Variants in FBXO31 observed in about 807,000 individuals in gnomAD.
FBXO31 encodes F-box only protein 31.
A neutral mutation model predicts 54.4 loss-of-function variants in FBXO31; 24 were observed. The observed-to-expected ratio is 0.44, with a 90% CI of 0.32 to 0.62. The LOEUF (loss-of-function observed/expected upper bound fraction) is 0.62, where lower values mean the gene tolerates loss of function less well. Among genes scored for constraint, FBXO31 ranks in the 20% least tolerant of loss-of-function variants. The pLI is 0.05. For synonymous variants in FBXO31, 388 were observed against 335.6 expected (o/e 1.16, Z -1.71); for missense variants, 665 against 787.1 (o/e 0.84, Z 1.86).
chr16:87,359,058 C>G (rs1906020934), intron 2 of FBXO31, among the ~76,000 whole-genome samples: 1 of 152,188 alleles, frequency 6.6e-6, no homozygotes, highest in Non-Finnish European at 1.5e-5. Context: ...CCTGGATAAG[C>G]CTTAAAGCAA....
rs554323770 is a variant in FBXO31 at position 87,327,767 on chromosome 16, G to C, written c.*3521C>G. Reference sequence around the variant, plus strand: ...TGATGTTCCTGGTCTCTCCCCAGAAGTACAGACAGGTTGGGCCACGTTAAC... The same window carrying C: ...TGATGTTCCTGGTCTCTCCCCAGAACTACAGACAGGTTGGGCCACGTTAAC... On this transcript the variant is annotated 3_prime_UTR_variant, in exon 9 of 9. Coordinates refer to ENST00000311635, the MANE Select transcript of FBXO31 (RefSeq NM_024735.5). 1 of 152,400 alleles carries C rather than the reference G, an allele frequency of 6.6e-6. No individual in the cohort carries two copies. The highest frequency in any genetic ancestry group is 2.1e-4 in the South Asian group (1 of 4,832). 9.4% of individuals were successfully genotyped at this position (152,400 alleles called of 1,614,324 possible).
chr16:87,347,707 A>C (rs1362255756), intron 2 of FBXO31, among the ~76,000 whole-genome samples: 1 of 150,788 alleles, frequency 6.6e-6, no homozygotes, highest in African/African-American at 2.5e-5. Flanking sequence ...AAAAACTATC[A>C]GAATGAAACT....
intron 1 of FBXO31, among the ~76,000 whole-genome samples, chr16:87,363,139 C>CT (rs530709960): frequency 1.3e-5 from 2 of 152,012 alleles, no homozygotes; most frequent in Non-Finnish European, 2.9e-5. Context: ...AATCCCACCA[C>CT]TTTGGGAGGT....
At chr16:87,382,558 T>C (rs1286743613) in intron 1 of FBXO31, among the ~76,000 whole-genome samples, 1 of 152,194 alleles carries the variant, frequency 6.6e-6, no homozygotes, top group Non-Finnish European at 1.5e-5. Context: ...CCCGCACCGC[T>C]GTGATCCATC....
chr16:87,347,133 C>A (rs1281595080), intron 3 of FBXO31, 41 bp downstream of exon 3: 7 of 1,574,674 alleles, frequency 4.4e-6, no homozygotes, highest in Non-Finnish European at 6.1e-6. Context: ...GGCACCACTC[C>A]TGCCCGTGCA....
chr16:87,366,526 G>C (rs1427616923), intron 1 of FBXO31, among the ~76,000 whole-genome samples: 1 of 152,206 alleles, frequency 6.6e-6, no homozygotes, highest in Non-Finnish European at 1.5e-5. Context: ...GAGCACTCCA[G>C]GTGTGGCAGA....
intron 1 of FBXO31, among the ~76,000 whole-genome samples, chr16:87,376,612 A>T (rs1906834059): frequency 6.6e-6 from 1 of 152,214 alleles, no homozygotes; most frequent in South Asian, 2.1e-4. Context: ...ACATCTGTGA[A>T]AAGAAGAAAA....
upstream of FBXO31, among the ~76,000 whole-genome samples, chr16:87,387,368 G>C (rs757449449): frequency 2.0e-5 from 3 of 152,198 alleles, no homozygotes; most frequent in Non-Finnish European, 4.4e-5. Context: ...GAGATCATTT[G>C]TTTTAACACT....
chr16:87,342,905 T>C lies in FBXO31; in HGVS notation c.704A>G (p.His235Arg). The C allele has an allele frequency of 6.2e-7, 1 of 1,607,102 alleles. No individual in the cohort carries two copies. The highest frequency in any genetic ancestry group is 8.5e-7 in the Non-Finnish European group (1 of 1,177,130). Residue 235 changes from histidine to arginine, a missense_variant, in exon 5 of 9, where the codon CAC (histidine) becomes CGC (arginine). Physicochemically the swap from His to Arg is conservative, Grantham distance 29 (BLOSUM62 0). Coordinates refer to ENST00000311635, the MANE Select transcript of FBXO31 (RefSeq NM_024735.5). ...EFSTKCNQTD[H>R]HRMSGGRQEE... is the part of the protein sequence containing the mutation. The stretch of plus-strand genomic sequence containing the variant: ...CTGCCTCCCGCCGGACATCCTGTGG[T>C]GGTCCGTCTGGTTGCACTTGGTGGA...
intron 1 of FBXO31, 81 bp from the exon 2 acceptor site, chr16:87,360,447 A>G: frequency 8.1e-7 from 1 of 1,234,154 alleles, no homozygotes; most frequent in Non-Finnish European, 1.2e-6. Flanking sequence ...GATGGCTGGC[A>G]GGGGAGGTGC....
In FBXO31 at chr16:87,383,765, G is replaced by A; in HGVS notation, c.-21C>T. 1.7e-6 allele frequency: 2 copies of A among 1,188,436 alleles called. No homozygotes were observed. Among genetic ancestry groups the A allele is most frequent in the East Asian group, 3.8e-5 (1 of 26,588 alleles). The allele number at this position is 1,188,436 out of a possible 1,614,324, so 73.6% of individuals were successfully genotyped here. On this transcript the variant is annotated 5_prime_UTR_variant, in exon 1 of 9. Transcript: ENST00000311635. This position sits in a 1 kb window ranked among gnomAD's most constrained non-coding sequence, Gnocchi z 4.9. ...GCCATGCCGCCCAGTGACGGCCACT[G>A]CTGCCGCCTGTGCGCACGCTCCAGC... is the stretch of plus-strand genomic sequence containing the variant.
chr16:87,339,687 C>T (rs1375697883), intron 5 of FBXO31, among the ~76,000 whole-genome samples: 1 of 152,202 alleles, frequency 6.6e-6, no homozygotes, highest in Non-Finnish European at 1.5e-5. Context: ...AACGGCAGCA[C>T]CCCATACACT....
At chr16:87,379,149 A>G (rs1436685028) in intron 1 of FBXO31, among the ~76,000 whole-genome samples, 3 of 152,000 alleles carry the variant, frequency 2.0e-5, no homozygotes, top group East Asian at 3.9e-4. Context: ...TTTGAGATGG[A>G]GTCTCACTCT....
At chr16:87,352,137 C>G (rs1905689492) in intron 2 of FBXO31, among the ~76,000 whole-genome samples, 1 of 152,166 alleles carries the variant, frequency 6.6e-6, no homozygotes, top group Non-Finnish European at 1.5e-5. Flanking sequence ...ACAACATACA[C>G]AGATGCCAAC....
At chr16:87,379,430 T>C (rs1333359561) in intron 1 of FBXO31, among the ~76,000 whole-genome samples, 2 of 152,226 alleles carry the variant, frequency 1.3e-5, no homozygotes, top group African/African-American at 2.4e-5. Flanking sequence ...TGTTTACTTA[T>C]GTTGACCAGG....
intron 5 of FBXO31, among the ~76,000 whole-genome samples, chr16:87,342,146 G>A (rs146279390): frequency 6.6e-6 from 1 of 152,264 alleles, no homozygotes; most frequent in Non-Finnish European, 1.5e-5. Context: ...GCTCACTGCA[G>A]TCTCCACCTC....
At chr16:87,343,016 C>A (rs1283154350) in intron 4 of FBXO31, 65 bp from the exon 5 acceptor site, 2 of 1,452,002 alleles carry the variant, frequency 1.4e-6, no homozygotes, top group South Asian at 2.5e-5. Context: ...GCATCCCCCA[C>A]CCCAGGCAGG....
intron 1 of FBXO31, among the ~76,000 whole-genome samples, chr16:87,361,670 C>T (rs750150712): frequency 1.3e-5 from 2 of 152,222 alleles, no homozygotes; most frequent in Non-Finnish European, 2.9e-5. Flanking sequence ...GCCCTACTCG[C>T]GCAGAGGCCT....
intron 2 of FBXO31, among the ~76,000 whole-genome samples, chr16:87,354,279 C>T (rs1396662636): frequency 6.6e-6 from 1 of 152,088 alleles, no homozygotes; most frequent in Admixed American, 6.6e-5. Flanking sequence ...TCCAGACTGG[C>T]CTGGGTAACA....
Sources: allele counts gnomAD v4.1 joint callset (sites outside exome capture counted in the v4.1 genomes callset), GRCh38; gene constraint gnomAD v4.1.1; non-coding constraint Gnocchi (gnomAD v3.1); transcripts MANE v1.5; gene names NCBI Gene and HGNC (gene_info 2026-07-23, HGNC 2026-07-21).